The following RBPJ variants were observed in gnomAD, a reference collection of about 807,000 sequenced individuals.
The protein encoded by RBPJ is recombining binding protein suppressor of hairless.
Under a neutral mutation model 67.8 loss-of-function variants are expected in RBPJ, and 9 were observed. The observed-to-expected ratio is 0.13, with a 90% CI of 0.08 to 0.23. RBPJ has a LOEUF of 0.23. RBPJ is among the 10% of genes least tolerant of loss of function. The pLI is 1.00. For missense variants in RBPJ, 305 were observed against 595.6 expected, an observed-to-expected ratio of 0.51 and a Z score of 5.08; for synonymous variants, 198 against 203.3, an observed-to-expected ratio of 0.97 and a Z score of 0.22.
the RBPJ span, among the ~76,000 whole-genome samples, chr4:26,140,729 TG>T: frequency 6.8e-6 from 1 of 147,966 alleles, no homozygotes; most frequent in Non-Finnish European, 1.5e-5. Flanking sequence ...ACCGCCCTAG[TG>T]TTTTGATTAG....
intron 1 of RBPJ, among the ~76,000 whole-genome samples, chr4:26,353,411 A>G (rs1422700281): frequency 6.6e-6 from 1 of 152,202 alleles, no homozygotes; most frequent in African/African-American, 2.4e-5. Context: ...TGGTTCTGCC[A>G]CTTAAATGTC....
chr4:26,134,909 C>T, the RBPJ span, among the ~76,000 whole-genome samples: 2 of 152,114 alleles, frequency 1.3e-5, no homozygotes, highest in Non-Finnish European at 2.9e-5. Context: ...GCATGAACGA[C>T]CATCATCTAA....
chr4:26,242,305 G>A (rs905432764), intron 1 of RBPJ, among the ~76,000 whole-genome samples: 16 of 152,024 alleles, frequency 1.1e-4, no homozygotes, highest in Non-Finnish European at 1.5e-4. Context: ...CAAATTAGCC[G>A]GGCATGGTGG....
chr4:26,113,467 AAC>A, the RBPJ span: 1 of 552,502 alleles, frequency 1.8e-6, no homozygotes, highest in East Asian at 3.9e-5. Context: ...ACCATCAGCA[AAC>A]ACACACAGGA....
intron 1 of RBPJ, among the ~76,000 whole-genome samples, chr4:26,288,742 G>A (rs1721563774): frequency 6.6e-6 from 1 of 152,240 alleles, no homozygotes; most frequent in Non-Finnish European, 1.5e-5. Context: ...GTGACTCACT[G>A]TTTAGAAAGT....
At chr4:26,377,936 C>G (rs1311515595) in intron 1 of RBPJ, among the ~76,000 whole-genome samples, 1 of 152,160 alleles carries the variant, frequency 6.6e-6, no homozygotes, top group East Asian at 1.9e-4. Context: ...ACAATCTTTG[C>G]TGCTGCCCAT....
the RBPJ span, among the ~76,000 whole-genome samples, chr4:26,148,997 A>G: frequency 6.6e-6 from 1 of 152,346 alleles, no homozygotes; most frequent in East Asian, 1.9e-4. Flanking sequence ...ATATTTCTCT[A>G]CTGGGAGTGT....
intron 1 of RBPJ, among the ~76,000 whole-genome samples, chr4:26,259,808 G>T (rs535330303): frequency 1.9e-4 from 29 of 152,166 alleles, no homozygotes; most frequent in Non-Finnish European, 1.5e-5. Context: ...TGGAGGATCT[G>T]CCACTGCAGA....
Position 26,339,690 on chromosome 4 carries a change from CCAAAT to C in RBPJ, c.20+18645_20+18649del, listed in dbSNP as rs556902345. On this transcript the variant is annotated intron_variant, in intron 1 of 10. Coordinates refer to ENST00000355476, the MANE Select transcript of RBPJ (RefSeq NM_015874.6). ...ACATACAGTGTGTAAAAGTAACACTCCAAATCAGTGAGAAAAAGAGCATTCAAAAA... is the reference window on the plus strand; with the variant it reads ...ACATACAGTGTGTAAAAGTAACACTCCAGTGAGAAAAAGAGCATTCAAAAA... 4.6e-5 allele frequency among the ~76,000 whole-genome samples: 7 copies of C among 151,770 alleles called. No individual in the cohort carries two copies. The South Asian group carries it at 1.5e-3, about 32-fold the overall frequency.
chr4:26,109,491 TACACACACAC>T, the RBPJ span, among the ~76,000 whole-genome samples: 15 of 41,396 alleles, frequency 3.6e-4, no homozygotes, highest in South Asian at 1.5e-3. Flanking sequence ...TATATATATA[TACACACACAC>T]ATATATATAT....
chr4:26,212,042 A>T (rs1718442989), intron 1 of RBPJ, among the ~76,000 whole-genome samples: 1 of 152,134 alleles, frequency 6.6e-6, no homozygotes, highest in Admixed American at 6.6e-5. Flanking sequence ...CATCCCTCAG[A>T]GCCCTCAGAA....
At chr4:26,210,748 T>TTTCCTTCTTTCC (rs1560212180) in intron 1 of RBPJ, among the ~76,000 whole-genome samples, 1 of 120,296 alleles carries the variant, frequency 8.3e-6, no homozygotes, top group African/African-American at 3.2e-5. Context: ...TCTTTCCTTC[T>TTTCCTTCTTTCC]TTCCTTCTTT....
the RBPJ span, among the ~76,000 whole-genome samples, chr4:26,128,020 G>A: frequency 6.0e-3 from 919 of 152,330 alleles, 12 homozygotes; most frequent in African/African-American, 0.021. Context: ...TGACTTGTGT[G>A]CTCTGCCAGG....
At chr4:26,209,573 C>A (rs1718295114) in intron 1 of RBPJ, among the ~76,000 whole-genome samples, 1 of 148,542 alleles carries the variant, frequency 6.7e-6, no homozygotes. Flanking sequence ...CTCCCTTCCT[C>A]CTTCCCTGTC....
At chr4:26,241,103 G>A (rs1173374988) in intron 1 of RBPJ, among the ~76,000 whole-genome samples, 1 of 151,874 alleles carries the variant, frequency 6.6e-6, no homozygotes, top group East Asian at 1.9e-4. Context: ...AGGCTGAGGT[G>A]GGAGGATCAC....
At chr4:26,178,423 G>A (rs1246065450) in intron 1 of RBPJ, among the ~76,000 whole-genome samples, 2 of 152,044 alleles carry the variant, frequency 1.3e-5, no homozygotes, top group Non-Finnish European at 2.9e-5. Context: ...CTTGAAGCCA[G>A]TAGCAAGTCC....
chr4:26,209,627 C>CTGTCTCCCTCCCTTCCTCCTTCTG (rs1718301395), intron 1 of RBPJ, among the ~76,000 whole-genome samples: 1 of 111,054 alleles, frequency 9.0e-6, no homozygotes, highest in African/African-American at 3.2e-5. Flanking sequence ...TCCTCCTTCC[C>CTGTCTCCCTCCCTTCCTCCTTCTG]TCTCTCCCTC....
At chr4:26,303,358 A>T (rs73113359) in intron 1 of RBPJ, among the ~76,000 whole-genome samples, 99 of 147,186 alleles carry the variant, frequency 6.7e-4, no homozygotes, top group African/African-American at 2.4e-3. Context: ...CTGTAATCCC[A>T]GGAGTCTGAG....
chr4:26,300,883 T>C (rs1265724391), intron 1 of RBPJ, among the ~76,000 whole-genome samples: 1 of 152,166 alleles, frequency 6.6e-6, no homozygotes, highest in Admixed American at 6.5e-5. Context: ...GTCATATAAG[T>C]ATTAAATATT....
Sources: gnomAD v4.1 joint callset for allele counts (sites outside exome capture counted in the v4.1 genomes callset) on GRCh38, gnomAD v4.1.1 for gene constraint, MANE v1.5 for transcripts, NCBI Gene and HGNC (gene_info 2026-07-23, HGNC 2026-07-21) for gene names.